PLOD1: variants seen among roughly 807,000 people sequenced by gnomAD.
The protein encoded by PLOD1 is procollagen-lysine,2-oxoglutarate 5-dioxygenase 1.
PLOD1 carries 70 observed loss-of-function variants against 94.7 expected under a neutral mutation model. The ratio of observed to expected loss-of-function variants is 0.74; its 90% CI spans 0.61 to 0.90. The LOEUF is 0.90. Ranked by LOEUF, PLOD1 falls within the 40% of genes least tolerant of loss-of-function variation. The pLI, the probability that PLOD1 is intolerant of heterozygous loss-of-function variation, is 0.00. For synonymous variants in PLOD1, 417 were observed against 400.2 expected (o/e 1.04, Z -0.50); for missense variants, 905 against 972.7 (o/e 0.93, Z 0.93).
intron 4 of PLOD1, 106 bp downstream of exon 4, chr1:11,950,626 C>G (rs1645694511): frequency 1.0e-6 from 1 of 978,302 alleles, no homozygotes; most frequent in East Asian, 2.5e-5. Flanking sequence ...TCACAGGTCT[C>G]CAGTGCAGAA....
At position 11,963,789 on chromosome 1, in the gene PLOD1, C is replaced by T. The variant is rs1273721014; in HGVS notation, c.1202+153C>T. On this transcript the variant is annotated intron_variant, in intron 11 of 18. Coordinates refer to ENST00000196061, the MANE Select transcript of PLOD1 (RefSeq NM_000302.4). This position sits in a 1 kb window ranked among gnomAD's most constrained non-coding sequence, Gnocchi z 4.3. Reference sequence around the variant, plus strand: ...CCTCTTTCTCCTCCTCGTCTTCCTCCTTGTCTTCCTCCTCCTCTTCCTCTT... The same window carrying T: ...CCTCTTTCTCCTCCTCGTCTTCCTCTTTGTCTTCCTCCTCCTCTTCCTCTT... 1.3e-5 allele frequency among the ~76,000 whole-genome samples: 2 copies of T among 151,822 alleles called. No individual in the cohort carries two copies. Among genetic ancestry groups the T allele is most frequent in the Non-Finnish European group, 2.9e-5 (2 of 67,950 alleles).
In PLOD1 at chr1:11,952,588, G is replaced by C. The variant is rs183509111; in HGVS notation, c.467-35G>C. 5.5e-3 allele frequency: 8,113 copies of C among 1,481,662 alleles called. 27 individuals are homozygous for C. Among genetic ancestry groups the C allele is most frequent in the Non-Finnish European group, 6.8e-3 (7,224 of 1,059,342 alleles). 91.8% of individuals were successfully genotyped at this position (1,481,662 alleles called of 1,614,324 possible). ...CCTGACTTAGAGGCTGGAAGCTAAG[G>C]GTCCGTCTTGGTGTCCCCACCCACC... is the stretch of plus-strand genomic sequence containing the variant. On this transcript the variant is annotated intron_variant, in intron 4 of 18. Coordinates refer to ENST00000196061, the MANE Select transcript of PLOD1 (RefSeq NM_000302.4).
chr1:11,936,710 A>G (rs1452489321), intron 1 of PLOD1, among the ~76,000 whole-genome samples: 2 of 151,866 alleles, frequency 1.3e-5, no homozygotes, highest in Admixed American at 6.6e-5. Context: ...TTTAGAAGAG[A>G]CGAGGTTTCG....
intron 1 of PLOD1, 82 bp downstream of exon 1, chr1:11,934,937 A>C (rs749457367): frequency 1.6e-5 from 23 of 1,472,408 alleles, no homozygotes; most frequent in Non-Finnish European, 1.9e-5. Context: ...GAACGACCTG[A>C]ATGGGAGGCC....
In PLOD1 at chr1:11,956,897, CTG is replaced by C. The variant is rs755109500; in HGVS notation, c.644-17_644-16del. On this transcript the variant is annotated intron_variant, in intron 6 of 18. Transcript: ENST00000196061. ...CCTCTGGGTCTGATGCTGGGTGGGA[CTG>C]TGCTTTCTGACCCCCAGATGAGGTC... The C allele has an allele frequency of 4.5e-5, 71 of 1,563,236 alleles. No individual in the cohort carries two copies. Among genetic ancestry groups the C allele is most frequent in the Non-Finnish European group, 6.1e-5 (69 of 1,133,626 alleles).
At position 11,949,989 on chromosome 1, in the gene PLOD1, G is replaced by A. The variant is rs41278622; in HGVS notation, c.302+83G>A. 108,247 of 1,381,636 alleles carry A rather than the reference G, an allele frequency of 0.078. 4,382 individuals carry two copies. The highest frequency in any genetic ancestry group is 0.097 in the East Asian group (4,233 of 43,760). 85.6% of individuals were successfully genotyped at this position (1,381,636 alleles called of 1,614,324 possible). A position where few individuals can be genotyped will look rare whatever the true frequency, so the allele number is the denominator to read the frequency against. ...TAAAATGAGGCCCTCCCAGAACATC[G>A]GGGAAGAAGGGGGACCACTCTAGCT... On this transcript the variant is annotated intron_variant, in intron 3 of 18. Coordinates refer to ENST00000196061, the MANE Select transcript of PLOD1 (RefSeq NM_000302.4).
At chr1:11,951,746 C>T (rs561431351) in intron 4 of PLOD1, among the ~76,000 whole-genome samples, 97 of 150,718 alleles carry the variant, frequency 6.4e-4, no homozygotes, top group African/African-American at 2.2e-3. Flanking sequence ...GATGAAACCC[C>T]GTCTCCACTA....
At chr1:11,973,452 A>G (rs1645880452) in intron 18 of PLOD1, among the ~76,000 whole-genome samples, 1 of 152,122 alleles carries the variant, frequency 6.6e-6, no homozygotes, top group Non-Finnish European at 1.5e-5. Context: ...GTGAGCTGAG[A>G]TCATGCCACT....
chr1:11,964,588 T>G, intron 12 of PLOD1, 56 bp from the exon 13 acceptor site: 5 of 1,133,264 alleles, frequency 4.4e-6, no homozygotes, highest in African/African-American at 2.2e-5. Context: ...TGTGACCCCC[T>G]CCATCTTCCC....
intron 5 of PLOD1, among the ~76,000 whole-genome samples, chr1:11,953,635 T>C (rs1645718510): frequency 6.6e-6 from 1 of 151,282 alleles, no homozygotes; most frequent in African/African-American, 2.4e-5. Flanking sequence ...CTACTAAAAA[T>C]ATAAAGATTA....
intron 1 of PLOD1, among the ~76,000 whole-genome samples, chr1:11,947,114 CAAA>C (rs1645661358): frequency 6.6e-6 from 1 of 151,800 alleles, no homozygotes; most frequent in South Asian, 2.1e-4. Flanking sequence ...ATTAAAAATA[CAAA>C]AATTAGCTGG....
chr1:11,974,747 A>T lies in PLOD1; in HGVS notation c.2123A>T (p.His708Leu), dbSNP rs1208408264. 2 of 1,614,026 alleles carry T rather than the reference A, an allele frequency of 1.2e-6. No individual in the cohort carries two copies. The highest frequency in any genetic ancestry group is 1.7e-6 in the Non-Finnish European group (2 of 1,179,940). Residue 708 changes from histidine to leucine, a missense_variant, in exon 19 of 19, where the codon CAT (histidine) becomes CTT (leucine). Transcript: ENST00000196061. ...LMHPGRLTHY[H>L]EGLPTTRGTR... ...CACCCTGGACGACTCACGCATTACCATGAGGGGCTCCCCACCACCAGGGGC... is the reference window on the plus strand; with the variant it reads ...CACCCTGGACGACTCACGCATTACCTTGAGGGGCTCCCCACCACCAGGGGC...
In PLOD1 at chr1:11,960,675, G is replaced by A; in HGVS notation, c.1005G>A (p.Glu335=). 1 of 1,613,088 alleles carries A rather than the reference G, an allele frequency of 6.2e-7. No individual in the cohort carries two copies. Among genetic ancestry groups the A allele is most frequent in the East Asian group, 2.2e-5 (1 of 44,872 alleles). ...AGCACCACAAGGCTCAGGTGGAAGA[G>A]TTCCTGGCACAGCATGGCAGCGAGT... ...HEQHHKAQVE[E]FLAQHGSEYQ... Residue 335 remains glutamate, a synonymous_variant, in exon 10 of 19, where the codon GAG becomes GAA. Coordinates refer to ENST00000196061, the MANE Select transcript of PLOD1 (RefSeq NM_000302.4).
intron 9 of PLOD1, among the ~76,000 whole-genome samples, chr1:11,960,432 C>A (rs896882203): frequency 3.3e-5 from 5 of 152,158 alleles, no homozygotes; most frequent in Non-Finnish European, 7.3e-5. Context: ...GGAGGCCTGA[C>A]CTGGTCAGAG....
rs1002495922 is a variant in PLOD1 at position 11,958,702 on chromosome 1, T to C, written c.975+55T>C. Reference sequence around the variant, plus strand: ...ATGTGGCTTAGATCCAGGGCCCAGCTTCACAAGGTAGCCCGAGACCTCTGA... The same window carrying C: ...ATGTGGCTTAGATCCAGGGCCCAGCCTCACAAGGTAGCCCGAGACCTCTGA... On this transcript the variant is annotated intron_variant, in intron 9 of 18. Coordinates refer to ENST00000196061, the MANE Select transcript of PLOD1 (RefSeq NM_000302.4). The surrounding 1 kb of genome is among the most constrained non-coding windows in gnomAD (Gnocchi z 4.3). 6.8e-6 allele frequency: 11 copies of C among 1,609,124 alleles called. No individual in the cohort carries two copies. In the African/African-American group the frequency reaches 1.3e-4, roughly 20 times the overall value.
At chr1:11,950,578 G>A in intron 4 of PLOD1, 58 bp downstream of exon 4, 1 of 1,539,248 alleles carries the variant, frequency 6.5e-7, no homozygotes, top group Non-Finnish European at 9.0e-7. Context: ...TACTGCCTTT[G>A]TGGGGACCCC....
Position 11,975,133 on chromosome 1 carries a change from G to A in PLOD1, c.*325G>A, listed in dbSNP as rs537155991. ...CCTTCCCCCACCTCTTCCATGGGGT[G>A]AGACTTGAGCAGAACAGGGGCTTCC... On this transcript the variant is annotated 3_prime_UTR_variant, in exon 19 of 19. Transcript: ENST00000196061. The A allele has an allele frequency of 1.0e-4, 42 of 420,184 alleles. No homozygotes were observed. The highest frequency in any genetic ancestry group is 4.6e-4 in the Admixed American group (13 of 28,258). The allele number at this position is 420,184 out of a possible 1,614,324, so 26.0% of individuals were successfully genotyped here.
At position 11,972,537 on chromosome 1, in the gene PLOD1, G is replaced by A. The variant is rs116593479; in HGVS notation, c.1903-335G>A. The stretch of plus-strand genomic sequence containing the variant: ...CAAAGTGCTGGAATTACAGGCGTGA[G>A]TACCATGTCCGGCCTCCTTCCCTTT... On this transcript the variant is annotated intron_variant, in intron 17 of 18. Transcript: ENST00000196061. The surrounding 1 kb of genome is among the most constrained non-coding windows in gnomAD (Gnocchi z 4.6). 1,098 of 331,626 alleles carry A rather than the reference G, an allele frequency of 3.3e-3. 11 individuals are homozygous for A. Among genetic ancestry groups the A allele is most frequent in the African/African-American group, 0.022 (1,030 of 46,976 alleles). The allele number at this position is 331,626 out of a possible 1,614,324, so 20.5% of individuals were successfully genotyped here. A position where few individuals can be genotyped will look rare whatever the true frequency, so the allele number is the denominator to read the frequency against.
At chr1:11,954,689 G>C in intron 5 of PLOD1, 141 bp from the exon 6 acceptor site, 1 of 788,214 alleles carries the variant, frequency 1.3e-6, no homozygotes, top group Middle Eastern at 2.2e-4. Context: ...TGGGCACCTA[G>C]CTGCCCTGAT....
Sources: allele counts gnomAD v4.1 joint callset (sites outside exome capture counted in the v4.1 genomes callset), GRCh38; gene constraint gnomAD v4.1.1; non-coding constraint Gnocchi (gnomAD v3.1); transcripts MANE v1.5; gene names NCBI Gene and HGNC (gene_info 2026-07-23, HGNC 2026-07-21).